Variants in CDH13 observed in about 807,000 individuals in gnomAD.
CDH13 encodes the protein cadherin 13.
A neutral mutation model predicts 63.8 loss-of-function variants in CDH13; 24 were observed. The ratio of observed to expected loss-of-function variants is 0.38; its 90% confidence interval spans 0.27 to 0.53. CDH13 has a LOEUF of 0.53. Ranked by LOEUF, CDH13 falls within the 20% of genes least tolerant of loss-of-function variation. CDH13 has a pLI of 0.85. For missense variants in CDH13, 1,049 were observed against 903.1 expected, an observed-to-expected ratio of 1.16 and a Z score of -2.07; for synonymous variants, 503 against 355.3, an observed-to-expected ratio of 1.42 and a Z score of -4.67.
At chr16:83,141,280 C>T (rs888577427) in intron 4 of CDH13, among the ~76,000 whole-genome samples, 1 of 152,158 alleles carries the variant, frequency 6.6e-6, no homozygotes, top group Admixed American at 6.5e-5. Context: ...CTCCCTCACT[C>T]TGGTGCCCTT....
chr16:83,780,613 T>C (rs564410122), intron 12 of CDH13, among the ~76,000 whole-genome samples: 4 of 152,352 alleles, frequency 2.6e-5, no homozygotes, highest in Admixed American at 6.5e-5. Context: ...CATCACCCAA[T>C]AGTGAACTTT....
intron 8 of CDH13, among the ~76,000 whole-genome samples, chr16:83,653,986 C>T (rs1912636851): frequency 6.6e-6 from 1 of 152,078 alleles, no homozygotes; most frequent in Non-Finnish European, 1.5e-5. Flanking sequence ...GGAACACACA[C>T]ATGGGTGGGG....
intron 6 of CDH13, among the ~76,000 whole-genome samples, chr16:83,445,920 C>G (rs920731668): frequency 6.6e-6 from 1 of 152,114 alleles, no homozygotes; most frequent in Non-Finnish European, 1.5e-5. Flanking sequence ...GATCTTTGTG[C>G]CTCTTGACTC....
At chr16:82,964,701 A>T (rs1007252943) in intron 2 of CDH13, among the ~76,000 whole-genome samples, 2 of 152,212 alleles carry the variant, frequency 1.3e-5, no homozygotes, top group Non-Finnish European at 2.9e-5. Flanking sequence ...AGGTGTAGCC[A>T]GTGTAATTTA....
chr16:82,745,857 C>T (rs2034137722), intron 1 of CDH13, among the ~76,000 whole-genome samples: 1 of 151,964 alleles, frequency 6.6e-6, no homozygotes, highest in Middle Eastern at 3.2e-3. Flanking sequence ...AAATTTGGTC[C>T]TCTGTTATTT....
intron 6 of CDH13, among the ~76,000 whole-genome samples, chr16:83,407,928 C>T (rs2092071473): frequency 6.6e-6 from 1 of 152,118 alleles, no homozygotes; most frequent in South Asian, 2.1e-4. Context: ...TTCTTGATTT[C>T]TTTGGGGGTT....
intron 1 of CDH13, among the ~76,000 whole-genome samples, chr16:82,742,618 G>C (rs897280230): frequency 1.3e-5 from 2 of 152,074 alleles, no homozygotes; most frequent in Admixed American, 1.3e-4. Context: ...ATGAAATTCT[G>C]TTTTCTCTAA....
intron 2 of CDH13, among the ~76,000 whole-genome samples, chr16:82,868,250 A>C (rs1245121510): frequency 1.3e-5 from 2 of 152,020 alleles, no homozygotes; most frequent in Non-Finnish European, 2.9e-5. Context: ...CAGAATGTGG[A>C]CTCCTATTTA....
chr16:82,697,680 G>C (rs533971022), intron 1 of CDH13, among the ~76,000 whole-genome samples: 3 of 151,386 alleles, frequency 2.0e-5, no homozygotes, highest in African/African-American at 7.3e-5. Context: ...CACCTGCCTC[G>C]GCCTCCTAAA....
intron 2 of CDH13, among the ~76,000 whole-genome samples, chr16:82,987,103 T>C (rs1157800252): frequency 6.6e-6 from 1 of 152,158 alleles, no homozygotes; most frequent in Non-Finnish European, 1.5e-5. Flanking sequence ...TGTGAATCAG[T>C]GAGGAGCGGC....
intron 7 of CDH13, among the ~76,000 whole-genome samples, chr16:83,588,264 G>C (rs1278536696): frequency 6.6e-6 from 1 of 152,212 alleles, no homozygotes; most frequent in Non-Finnish European, 1.5e-5. Flanking sequence ...TCTAGAGACT[G>C]ATTCAGCCTG....
intron 7 of CDH13, among the ~76,000 whole-genome samples, chr16:83,534,596 G>A (rs1164497965): frequency 1.3e-5 from 2 of 152,182 alleles, no homozygotes; most frequent in African/African-American, 2.4e-5. Flanking sequence ...CTGTCACTTA[G>A]CACAATGTTG....
chr16:83,728,298 A>T (rs1910652535), intron 10 of CDH13, among the ~76,000 whole-genome samples: 1 of 150,450 alleles, frequency 6.6e-6, no homozygotes. Context: ...GTGATTCGCT[A>T]ACAGTTGAAT....
intron 1 of CDH13, among the ~76,000 whole-genome samples, chr16:82,790,181 A>C (rs1654567229): frequency 6.6e-6 from 1 of 152,146 alleles, no homozygotes; most frequent in African/African-American, 2.4e-5. Context: ...TCATACCTAT[A>C]ATCCCAGCCC....
intron 1 of CDH13, among the ~76,000 whole-genome samples, chr16:82,666,276 G>T (rs1912572379): frequency 1.3e-5 from 2 of 152,188 alleles, no homozygotes; most frequent in Non-Finnish European, 1.5e-5. Context: ...AGTGTTTGTT[G>T]TACCAATTAT....
chr16:83,488,811 G>A (rs1350777880), intron 7 of CDH13, among the ~76,000 whole-genome samples: 1 of 152,088 alleles, frequency 6.6e-6, no homozygotes, highest in African/African-American at 2.4e-5. Flanking sequence ...TTTTAGTAGA[G>A]ATGGGGTTTC....
chr16:82,754,791 T>C (rs898726916), intron 1 of CDH13, among the ~76,000 whole-genome samples: 1 of 152,206 alleles, frequency 6.6e-6, no homozygotes, highest in African/African-American at 2.4e-5. Context: ...CTCATTTCAT[T>C]TGCGTCCTTT....
chr16:82,682,701 A>G (rs1418736556), intron 1 of CDH13, among the ~76,000 whole-genome samples: 1 of 152,240 alleles, frequency 6.6e-6, no homozygotes, highest in African/African-American at 2.4e-5. Context: ...GGAGGTGGAC[A>G]CAAAGTAATT....
At chr16:83,632,427 A>G (rs1910866738) in intron 8 of CDH13, among the ~76,000 whole-genome samples, 1 of 152,096 alleles carries the variant, frequency 6.6e-6, no homozygotes, top group Non-Finnish European at 1.5e-5. Context: ...AGCTCCGTGC[A>G]TGACAAGGTG....
Sources: gnomAD v4.1 joint callset for allele counts (sites outside exome capture counted in the v4.1 genomes callset) on GRCh38, gnomAD v4.1.1 for gene constraint, MANE v1.5 for transcripts, NCBI Gene and HGNC (gene_info 2026-07-23, HGNC 2026-07-21) for gene names.